Variants in GRID2 observed in about 807,000 individuals in gnomAD.
The protein encoded by GRID2 is glutamate receptor ionotropic, delta-2.
In GRID2, 33 loss-of-function variants were observed where a neutral mutation model predicts 114.8. That is an observed-to-expected ratio of 0.29 (90% CI 0.22 to 0.38). GRID2 has a LOEUF of 0.38. GRID2 is among the 10% of genes least tolerant of loss of function. GRID2 has a pLI of 1.00. For synonymous variants in GRID2, 505 were observed against 449.9 expected (o/e 1.12, Z -1.55); for missense variants, 1,184 against 1,257.7 (o/e 0.94, Z 0.89).
intron 2 of GRID2, among the ~76,000 whole-genome samples, chr4:92,990,299 ATATATATG>A (rs1285281636): frequency 8.7e-4 from 120 of 138,284 alleles, no homozygotes; most frequent in African/African-American, 3.3e-3. Context: ...ATATATATAT[ATATATATG>A]TGTGTGTGTG....
chr4:92,800,969 CAT>C (rs1359437927), intron 2 of GRID2, among the ~76,000 whole-genome samples: 3 of 151,932 alleles, frequency 2.0e-5, no homozygotes, highest in East Asian at 1.9e-4. Flanking sequence ...CATCCGGAAA[CAT>C]AATGATAAAC....
intron 14 of GRID2, among the ~76,000 whole-genome samples, chr4:93,764,320 G>A (rs866356006): frequency 6.6e-6 from 1 of 151,980 alleles, no homozygotes; most frequent in Non-Finnish European, 1.5e-5. Context: ...TCTGTTCAAT[G>A]GGATCACAAA....
chr4:92,377,922 A>G (rs1159115155), intron 1 of GRID2, among the ~76,000 whole-genome samples: 1 of 152,178 alleles, frequency 6.6e-6, no homozygotes, highest in Non-Finnish European at 1.5e-5. Context: ...GTGGGGACAC[A>G]GCCAAACTAT....
At chr4:92,959,487 C>T (rs112300159) in intron 2 of GRID2, among the ~76,000 whole-genome samples, 2,801 of 151,960 alleles carry the variant, frequency 0.018, 32 homozygotes, top group Non-Finnish European at 0.03. Context: ...CCGTAACCTT[C>T]AGCAATCCCA....
intron 2 of GRID2, among the ~76,000 whole-genome samples, chr4:93,050,401 A>C (rs775374951): frequency 6.6e-6 from 1 of 152,000 alleles, no homozygotes; most frequent in Non-Finnish European, 1.5e-5. Flanking sequence ...TCATGAATGC[A>C]AATAAAATTC....
In GRID2 at chr4:92,455,298, G is replaced by A. The variant is rs565462800; in HGVS notation, c.89-134833G>A. On this transcript the variant is annotated intron_variant, in intron 1 of 15. Transcript: ENST00000282020. ...GTTACTAAGTGCCGGGTGGACAACA[G>A]AGACATTTCCGTGTTCTTGTGAAAC... is the stretch of plus-strand genomic sequence containing the variant. Among the ~76,000 whole-genome samples the A allele has an allele frequency of 2.0e-5, 3 of 152,296 alleles. No homozygotes were observed. In the South Asian group the frequency reaches 6.2e-4, roughly 32 times the overall value.
intron 1 of GRID2, among the ~76,000 whole-genome samples, chr4:92,561,397 A>T (rs972607459): frequency 1.3e-5 from 2 of 152,154 alleles, no homozygotes; most frequent in African/African-American, 4.8e-5. Flanking sequence ...ATCTCATTAC[A>T]TTTACTTAAA....
rs947256753 is a variant in GRID2, at chr4:93,652,406, T to C, written c.2360+25971T>C. Among the ~76,000 whole-genome samples, 5 of 152,118 alleles carry C rather than the reference T, an allele frequency of 3.3e-5. No homozygotes were observed. The East Asian group carries it at 9.7e-4, about 29-fold the overall frequency. On this transcript the variant is annotated intron_variant, in intron 14 of 15. Transcript: ENST00000282020. ...CGATGACAGACTGCATAAAAAACAA[T>C]GGTTCCATAAGATTATAATACTGCA...
chr4:92,943,758 G>T (rs1751371288), intron 2 of GRID2, among the ~76,000 whole-genome samples: 2 of 152,104 alleles, frequency 1.3e-5, no homozygotes, highest in South Asian at 4.1e-4. Flanking sequence ...TGGGGTTTTG[G>T]TGTGGATGTC....
At chr4:93,128,534 A>G (rs951544827) in intron 4 of GRID2, among the ~76,000 whole-genome samples, 12 of 152,196 alleles carry the variant, frequency 7.9e-5, no homozygotes, top group Admixed American at 5.2e-4. Context: ...AGAAATGTTA[A>G]TGGTGGTTTA....
chr4:93,251,829 G>A (rs914980675), intron 8 of GRID2, among the ~76,000 whole-genome samples: 1 of 152,132 alleles, frequency 6.6e-6, no homozygotes, highest in South Asian at 2.1e-4. Context: ...CCCTGGAAAG[G>A]ATATGATCTT....
At chr4:93,523,208 T>A (rs902195299) in intron 13 of GRID2, among the ~76,000 whole-genome samples, 1 of 152,088 alleles carries the variant, frequency 6.6e-6, no homozygotes, top group Admixed American at 6.5e-5. Context: ...CCACAGGCAA[T>A]GCAGTATCCC....
chr4:93,533,613 C>T (rs2149517296), intron 13 of GRID2, among the ~76,000 whole-genome samples: 1 of 137,888 alleles, frequency 7.3e-6, no homozygotes, highest in South Asian at 2.4e-4. Context: ...TGGTCTTGAA[C>T]TCCTGACCTC....
intron 8 of GRID2, among the ~76,000 whole-genome samples, chr4:93,302,249 G>A (rs890301706): frequency 6.6e-6 from 1 of 152,052 alleles, no homozygotes; most frequent in African/African-American, 2.4e-5. Flanking sequence ...TACAGTACAG[G>A]CTTCTAAAAA....
rs536997534 is a variant in GRID2, at chr4:93,048,480, C to G, written c.245-36515C>G. ...TCTGTGGGACTTCTGAACAAACTTC[C>G]GTCTGTGGCAAATCACTGACTTCTG... is the stretch of plus-strand genomic sequence containing the variant. On this transcript the variant is annotated intron_variant, in intron 2 of 15. Transcript: ENST00000282020. 2.6e-5 allele frequency among the ~76,000 whole-genome samples: 4 copies of G among 152,014 alleles called. No homozygotes were observed. The South Asian group carries it at 8.3e-4, about 32-fold the overall frequency.
intron 1 of GRID2, among the ~76,000 whole-genome samples, chr4:93,784,141 G>C (rs1734543972): frequency 1.4e-5 from 2 of 147,540 alleles, no homozygotes; most frequent in Admixed American, 1.4e-4. Context: ...TTTAGTACCT[G>C]GTCCTCTTTT....
chr4:92,983,566 A>G (rs1754342815), intron 2 of GRID2, among the ~76,000 whole-genome samples: 1 of 146,138 alleles, frequency 6.8e-6, no homozygotes, highest in African/African-American at 2.8e-5. Context: ...ATAAACATAT[A>G]GTATATGATT....
At chr4:92,943,897 C>T (rs982738789) in intron 2 of GRID2, among the ~76,000 whole-genome samples, 5 of 152,132 alleles carry the variant, frequency 3.3e-5, no homozygotes, top group African/African-American at 7.2e-5. Context: ...AGCAGAACAG[C>T]GGCTACTGGT....
At chr4:92,704,298 A>C (rs62310227) in intron 2 of GRID2, among the ~76,000 whole-genome samples, 9,509 of 152,228 alleles carry the variant, frequency 0.062, 385 homozygotes, top group East Asian at 0.094. Context: ...TAATAGAATT[A>C]TATGACTTGT....
Sources: gnomAD v4.1 joint callset for allele counts (sites outside exome capture counted in the v4.1 genomes callset) on GRCh38, gnomAD v4.1.1 for gene constraint, MANE v1.5 for transcripts, NCBI Gene and HGNC (gene_info 2026-07-23, HGNC 2026-07-21) for gene names.